The following RELN variants were observed in gnomAD, a reference collection of about 807,000 sequenced individuals.
The protein encoded by RELN is reelin.
In RELN, 108 loss-of-function variants were observed where a neutral mutation model predicts 427.6. That is an observed-to-expected ratio of 0.25 (90% CI 0.22 to 0.30). RELN has a LOEUF of 0.30. RELN is among the 10% of genes least tolerant of loss of function. RELN has a pLI of 1.00. For synonymous variants in RELN, 1,524 were observed against 1,513.4 expected (o/e 1.01, Z -0.16); for missense variants, 3,715 against 4,302.8 (o/e 0.86, Z 3.82).
intron 34 of RELN, among the ~76,000 whole-genome samples, chr7:103,564,135 T>A (rs1431730131): frequency 6.6e-6 from 1 of 152,228 alleles, no homozygotes; most frequent in African/African-American, 2.4e-5. Context: ...GTTGAATTTT[T>A]AAAAAATGAA....
chr7:103,917,024 C>T (rs761376477), intron 2 of RELN, 51 bp downstream of exon 2: 8 of 1,258,070 alleles, frequency 6.4e-6, no homozygotes, highest in African/African-American at 1.5e-5. Flanking sequence ...AACATAAGAC[C>T]TATGACTGTA....
chr7:103,965,362 A>T (rs1161349302), intron 1 of RELN, among the ~76,000 whole-genome samples: 1 of 152,258 alleles, frequency 6.6e-6, no homozygotes, highest in Non-Finnish European at 1.5e-5. Context: ...GCCTTTGTCC[A>T]CGAGAAGAAA....
intron 6 of RELN, among the ~76,000 whole-genome samples, chr7:103,735,723 C>G (rs1177583488): frequency 6.6e-6 from 1 of 152,154 alleles, no homozygotes; most frequent in African/African-American, 2.4e-5. Flanking sequence ...AACTCACTGA[C>G]AGTCAGTTAT....
chr7:103,827,493 A>G (rs937399279), intron 3 of RELN, among the ~76,000 whole-genome samples: 1 of 152,032 alleles, frequency 6.6e-6, no homozygotes, highest in Non-Finnish European at 1.5e-5. Context: ...CATACTTCCT[A>G]AAATTAAAAA....
At chr7:103,616,304 A>G (rs1832077503) in intron 20 of RELN, among the ~76,000 whole-genome samples, 1 of 152,164 alleles carries the variant, frequency 6.6e-6, no homozygotes, top group Admixed American at 6.6e-5. Flanking sequence ...ATTCATCTGA[A>G]GAAGAAGAGG....
intron 2 of RELN, among the ~76,000 whole-genome samples, chr7:103,856,848 T>C (rs1423183622): frequency 3.9e-5 from 6 of 152,226 alleles, no homozygotes; most frequent in African/African-American, 1.4e-4. Context: ...TATATATTTG[T>C]CGATTTATGT....
intron 2 of RELN, among the ~76,000 whole-genome samples, chr7:103,898,710 C>A (rs1015041164): frequency 1.1e-4 from 16 of 151,970 alleles, no homozygotes; most frequent in Non-Finnish European, 8.8e-5. Context: ...ATATATTGAA[C>A]ATTTGTATTT....
chr7:103,749,285 C>T, intron 6 of RELN, 141 bp downstream of exon 6: 4 of 725,728 alleles, frequency 5.5e-6, no homozygotes, highest in Admixed American at 4.0e-5. Context: ...TACATTAAGC[C>T]CAGTTCCATA....
chr7:103,500,616 C>G, intron 53 of RELN, 129 bp downstream of exon 53: 1 of 833,060 alleles, frequency 1.2e-6, no homozygotes, highest in Non-Finnish European at 1.9e-6. Flanking sequence ...TTTAAAGTTT[C>G]TATTCAAAGG....
At position 103,493,175 on chromosome 7, in the gene RELN, A is replaced by G. The variant is rs556721873; in HGVS notation, c.9370-1149T>C. Among the ~76,000 whole-genome samples the G allele has an allele frequency of 8.5e-5, 13 of 152,308 alleles. No homozygotes were observed. The East Asian group carries it at 2.3e-3, about 27-fold the overall frequency. On this transcript the variant is annotated intron_variant, in intron 57 of 64. Transcript: ENST00000428762. Reference sequence around the variant, plus strand: ...AGAGAGAGAGATTGGGAGTGAAAAGAGTACTTAGTCAACTGTTGATTTAGT... The same window carrying G: ...AGAGAGAGAGATTGGGAGTGAAAAGGGTACTTAGTCAACTGTTGATTTAGT...
At chr7:103,856,806 A>G (rs1371710198) in intron 2 of RELN, among the ~76,000 whole-genome samples, 1 of 151,970 alleles carries the variant, frequency 6.6e-6, no homozygotes. Context: ...AGATTCTTCT[A>G]TTAGCAAATT....
intron 8 of RELN, among the ~76,000 whole-genome samples, chr7:103,721,167 A>T (rs766166173): frequency 2.6e-5 from 4 of 152,024 alleles, no homozygotes; most frequent in Non-Finnish European, 4.4e-5. Context: ...ATTTTTAGTT[A>T]TAAACTTGAG....
At chr7:103,941,839 C>T (rs1796120937) in intron 1 of RELN, among the ~76,000 whole-genome samples, 1 of 152,024 alleles carries the variant, frequency 6.6e-6, no homozygotes, top group Non-Finnish European at 1.5e-5. Context: ...TTTCAGGGAT[C>T]CGCAGAACAC....
intron 2 of RELN, among the ~76,000 whole-genome samples, chr7:103,888,732 A>C (rs959854195): frequency 2.0e-5 from 3 of 152,144 alleles, no homozygotes; most frequent in Admixed American, 6.5e-5. Flanking sequence ...TATTCTCCTA[A>C]CAGACACAGG....
chr7:103,878,730 A>T (rs1794541198), intron 2 of RELN, among the ~76,000 whole-genome samples: 1 of 152,222 alleles, frequency 6.6e-6, no homozygotes, highest in South Asian at 2.1e-4. Flanking sequence ...AATTCAGTAA[A>T]GAAATAATGT....
intron 1 of RELN, among the ~76,000 whole-genome samples, chr7:103,980,675 G>T (rs914542860): frequency 6.6e-6 from 1 of 152,160 alleles, no homozygotes; most frequent in African/African-American, 2.4e-5. Context: ...TCCTCATGAG[G>T]ATTTTGTGAA....
At chr7:103,725,360 C>T (rs947100998) in intron 7 of RELN, among the ~76,000 whole-genome samples, 1 of 152,116 alleles carries the variant, frequency 6.6e-6, no homozygotes, top group East Asian at 1.9e-4. Flanking sequence ...CAAGACCAGC[C>T]TAGGCAACAT....
chr7:103,503,421 T>C (rs916210115), intron 51 of RELN, among the ~76,000 whole-genome samples, 191 bp from the exon 52 acceptor site: 4 of 152,198 alleles, frequency 2.6e-5, no homozygotes, highest in African/African-American at 9.6e-5. Flanking sequence ...TGACAAATTA[T>C]AGAAAGTGCC....
rs1793492405 is a variant in RELN at position 103,839,302 on chromosome 7, G to GTTTT, written c.338-5631_338-5630insAAAA. Among the ~76,000 whole-genome samples, 9 of 75,018 alleles carry GTTTT rather than the reference G, an allele frequency of 1.2e-4. 1 individual carries two copies. Among genetic ancestry groups the GTTTT allele is most frequent in the South Asian group, 3.1e-4 (1 of 3,176 alleles). The allele number at this position is 75,018 out of a possible 152,430, so 49.2% of individuals were successfully genotyped here. A position where few individuals can be genotyped will look rare whatever the true frequency, so the allele number is the denominator to read the frequency against. Reference sequence around the variant, plus strand: ...ACACTATGACTATACAGTGGTCTTTGCTTTTTTTTTTTTTTTTTTTAACAT... The same window carrying GTTTT: ...ACACTATGACTATACAGTGGTCTTTGTTTTCTTTTTTTTTTTTTTTTTTTAACAT... On this transcript the variant is annotated intron_variant, in intron 2 of 64. Coordinates refer to ENST00000428762, the MANE Select transcript of RELN (RefSeq NM_005045.4).
Sources: gnomAD v4.1 joint callset for allele counts (sites outside exome capture counted in the v4.1 genomes callset) on GRCh38, gnomAD v4.1.1 for gene constraint, MANE v1.5 for transcripts, NCBI Gene and HGNC (gene_info 2026-07-23, HGNC 2026-07-21) for gene names.